The following DMD variants were observed in gnomAD, a reference collection of about 807,000 sequenced individuals.
The protein encoded by DMD is mutant dystrophin.
In DMD, 63 loss-of-function variants were observed where a neutral mutation model predicts 330.1. The observed-to-expected ratio is 0.19, with a 90% CI of 0.16 to 0.24. DMD has a LOEUF of 0.24. DMD is among the 10% of genes least tolerant of loss of function. The probability of loss-of-function intolerance (pLI) is 1.00; values close to 1 mark genes in which losing one functional copy is unlikely to be tolerated. For synonymous variants in DMD, 1,223 were observed against 959.8 expected (o/e 1.27, Z -5.07); for missense variants, 3,344 against 2,684.1 (o/e 1.25, Z -5.43).
intron 51 of DMD, among the ~76,000 whole-genome samples, chrX:31,759,488 A>G (rs761041392): frequency 2.7e-5 from 3 of 111,529 alleles, no homozygotes; most frequent in Non-Finnish European, 3.8e-5. Context: ...CTGAGTCCAC[A>G]TTCTCTTTCC....
intron 54 of DMD, among the ~76,000 whole-genome samples, chrX:31,643,111 T>C (rs1484758613): frequency 1.8e-5 from 2 of 111,726 alleles, no homozygotes; most frequent in East Asian, 5.6e-4. Flanking sequence ...TTAGAGACCA[T>C]TGTTCATTTC....
chrX:31,341,931 A>ACACACG (rs1352637206), intron 61 of DMD, among the ~76,000 whole-genome samples: 2 of 110,499 alleles, frequency 1.8e-5, no homozygotes, highest in Non-Finnish European at 3.8e-5. Flanking sequence ...GCATGTACAC[A>ACACACG]CATATCTAAC....
intron 16 of DMD, among the ~76,000 whole-genome samples, chrX:32,558,332 C>A (rs956896122): frequency 8.9e-6 from 1 of 111,972 alleles, no homozygotes; most frequent in African/African-American, 3.2e-5. Flanking sequence ...TACCATCTAA[C>A]ACTGAAGTAA....
Position 31,216,385 on chromosome X carries a change from T to C in DMD, c.9361+6662A>G, listed in dbSNP as rs143900487. On this transcript the variant is annotated intron_variant, in intron 64 of 78. Transcript: ENST00000357033. ...AGATTACAGTATTTCCCCTGGGAGA[T>C]AGATGGGTCATGTTATGAGACCTCT... is the stretch of plus-strand genomic sequence containing the variant. Among the ~76,000 whole-genome samples the C allele has an allele frequency of 8.3e-3, 937 of 112,575 alleles. 8 individuals carry two copies. The highest frequency in any genetic ancestry group is 0.028 in the African/African-American group (873 of 30,987).
intron 44 of DMD, among the ~76,000 whole-genome samples, chrX:32,109,367 G>A (rs2096579013): frequency 1.8e-5 from 2 of 110,864 alleles, no homozygotes; most frequent in Admixed American, 9.7e-5. Context: ...AGCCACCATC[G>A]AACATGCTGC....
chrX:32,176,645 G>A (rs1372391134), intron 44 of DMD, among the ~76,000 whole-genome samples: 1 of 111,437 alleles, frequency 9.0e-6, no homozygotes. Context: ...TAGAAAGGGA[G>A]GTTAGGGATG....
intron 2 of DMD, among the ~76,000 whole-genome samples, chrX:32,988,149 T>C (rs73621849): frequency 2.3e-3 from 256 of 111,273 alleles, no homozygotes; most frequent in African/African-American, 8.1e-3. Context: ...ACTTCTCCGA[T>C]AGAAGAAATT....
intron 63 of DMD, among the ~76,000 whole-genome samples, chrX:31,229,261 GA>G (rs914274148): frequency 9.0e-6 from 1 of 111,210 alleles, no homozygotes; most frequent in African/African-American, 3.3e-5. Flanking sequence ...AGATATTACA[GA>G]AAAAAAACAT....
intron 7 of DMD, among the ~76,000 whole-genome samples, chrX:32,720,716 C>CA (rs1434636538): frequency 9.0e-6 from 1 of 111,593 alleles, no homozygotes; most frequent in East Asian, 2.8e-4. Flanking sequence ...CTAGCTAGAT[C>CA]AAATCTTTCT....
At chrX:33,007,796 A>G (rs1326054048) in intron 2 of DMD, among the ~76,000 whole-genome samples, 9 of 111,585 alleles carry the variant, frequency 8.1e-5, no homozygotes, top group Non-Finnish European at 1.5e-4. Flanking sequence ...TTTGTAAAGG[A>G]TAAGAACTTC....
At chrX:31,160,893 T>C (rs1224946016) in intron 74 of DMD, among the ~76,000 whole-genome samples, 2 of 111,595 alleles carry the variant, frequency 1.8e-5, no homozygotes, top group East Asian at 5.6e-4. Context: ...GTTATAAAAA[T>C]GTTGATAAGG....
intron 67 of DMD, among the ~76,000 whole-genome samples, chrX:31,195,786 A>C (rs1280100679): frequency 1.9e-5 from 2 of 107,485 alleles, no homozygotes; most frequent in Non-Finnish European, 3.9e-5. Flanking sequence ...AAAAGAAAGA[A>C]AGAAAGGAAA....
chrX:31,672,436 C>T (rs2081859660), intron 53 of DMD, among the ~76,000 whole-genome samples: 1 of 111,933 alleles, frequency 8.9e-6, no homozygotes, highest in South Asian at 3.7e-4. Flanking sequence ...TCTTTATAGT[C>T]TTTTTCAAGT....
At chrX:31,658,530 T>G (rs2080924906) in intron 53 of DMD, among the ~76,000 whole-genome samples, 1 of 112,324 alleles carries the variant, frequency 8.9e-6, no homozygotes, top group African/African-American at 3.2e-5. Context: ...TCTTTCCCTC[T>G]TCATTAACTT....
intron 41 of DMD, among the ~76,000 whole-genome samples, chrX:32,311,592 G>A: frequency 9.0e-6 from 1 of 111,194 alleles, no homozygotes; most frequent in East Asian, 2.8e-4. Flanking sequence ...TTGTTTTATT[G>A]TGTATATCTG....
intron 43 of DMD, among the ~76,000 whole-genome samples, chrX:32,253,026 G>A (rs189321199): frequency 2.5e-3 from 248 of 97,775 alleles, no homozygotes; most frequent in South Asian, 4.8e-3. Flanking sequence ...TTTCCCGATC[G>A]ATTAAGTATT....
At chrX:32,073,888 G>A (rs966836359) in intron 44 of DMD, among the ~76,000 whole-genome samples, 8 of 110,878 alleles carry the variant, frequency 7.2e-5, no homozygotes, top group African/African-American at 1.6e-4. Context: ...GATCTTATAA[G>A]GTTAAAAATA....
intron 1 of DMD, among the ~76,000 whole-genome samples, chrX:33,126,386 G>A (rs2095464904): frequency 9.0e-6 from 1 of 111,492 alleles, no homozygotes; most frequent in Non-Finnish European, 1.9e-5. Context: ...AGCAGCATCA[G>A]CATCTCCTAA....
chrX:32,472,983 A>C (rs909665047), intron 21 of DMD, among the ~76,000 whole-genome samples: 2 of 110,925 alleles, frequency 1.8e-5, no homozygotes, highest in African/African-American at 6.5e-5. Context: ...GTATAATTAT[A>C]TTAGGGAAAG....
Sources: gnomAD v4.1 joint callset for allele counts (sites outside exome capture counted in the v4.1 genomes callset) on GRCh38, gnomAD v4.1.1 for gene constraint, MANE v1.5 for transcripts, NCBI Gene and HGNC (gene_info 2026-07-23, HGNC 2026-07-21) for gene names.